UBA6: variants seen among roughly 807,000 people sequenced by gnomAD.
The protein encoded by UBA6 is ubiquitin-like modifier-activating enzyme 6.
Under a neutral mutation model 148.3 loss-of-function variants are expected in UBA6, and 87 were observed. The observed-to-expected ratio is 0.59, with a 90% CI of 0.49 to 0.70. The LOEUF (loss-of-function observed/expected upper bound fraction) is 0.70. Ranked by LOEUF, UBA6 falls within the 30% of genes least tolerant of loss-of-function variation. UBA6 has a pLI of 0.00. For synonymous variants in UBA6, 376 were observed against 401.0 expected (o/e 0.94, Z 0.75); for missense variants, 1,186 against 1,241.2 (o/e 0.96, Z 0.67).
chr4:67,662,304 A>G (rs1167825263), intron 12 of UBA6, 49 bp from the exon 13 acceptor site: 2 of 1,527,382 alleles, frequency 1.3e-6, no homozygotes, highest in Non-Finnish European at 1.8e-6. Context: ...CAACTGCCAT[A>G]AACAGTAGGA....
At chr4:67,652,134 A>G (rs949485374) in intron 13 of UBA6, among the ~76,000 whole-genome samples, 1 of 152,154 alleles carries the variant, frequency 6.6e-6, no homozygotes, top group African/African-American at 2.4e-5. Flanking sequence ...ACAAACCACA[A>G]AAAGTATTCT....
At position 67,617,219 on chromosome 4, in the gene UBA6, C is replaced by T. The variant is rs1728647935; in HGVS notation, c.*1778G>A. On this transcript the variant is annotated 3_prime_UTR_variant, in exon 33 of 33. Coordinates refer to ENST00000322244, the MANE Select transcript of UBA6 (RefSeq NM_018227.6). ...TCATATTTATGGACTGCTGAATTAA[C>T]TACCCGAAAAGTATCAGTTACTTTC... 1 of 152,094 alleles carries T rather than the reference C, an allele frequency of 6.6e-6. No individual in the cohort carries two copies. The highest frequency in any genetic ancestry group is 6.5e-5 in the Admixed American group (1 of 15,276). 9.4% of individuals were successfully genotyped at this position (152,094 alleles called of 1,614,324 possible). A position where few individuals can be genotyped will look rare whatever the true frequency, so the allele number is the denominator to read the frequency against.
At chr4:67,673,249 C>A (rs1037361039) in intron 7 of UBA6, among the ~76,000 whole-genome samples, 3 of 151,838 alleles carry the variant, frequency 2.0e-5, no homozygotes, top group African/African-American at 7.3e-5. Flanking sequence ...CCCGTCTCTA[C>A]TAAAAATACA....
chr4:67,638,894 A>G, intron 19 of UBA6, 49 bp downstream of exon 19: 4 of 1,371,730 alleles, frequency 2.9e-6, no homozygotes, highest in Non-Finnish European at 4.0e-6. Context: ...GGGAAACAGA[A>G]GTGAAAACTA....
chr4:67,632,499 A>T (rs974590897), intron 23 of UBA6, among the ~76,000 whole-genome samples: 12 of 152,002 alleles, frequency 7.9e-5, no homozygotes, highest in Non-Finnish European at 1.5e-4. Flanking sequence ...AAAAAAGTTT[A>T]AAAAAAATGC....
intron 2 of UBA6, among the ~76,000 whole-genome samples, chr4:67,688,804 T>C (rs1032517733): frequency 3.9e-5 from 6 of 152,100 alleles, no homozygotes; most frequent in Admixed American, 3.9e-4. Flanking sequence ...TTTTGAAAGG[T>C]TTCGTTTTAT....
intron 17 of UBA6, among the ~76,000 whole-genome samples, chr4:67,643,560 G>A (rs1406799357): frequency 6.6e-6 from 1 of 151,934 alleles, no homozygotes; most frequent in Non-Finnish European, 1.5e-5. Flanking sequence ...AGTGACTTCT[G>A]TTTTTACTTA....
At chr4:67,635,384 A>C in intron 20 of UBA6, 69 bp downstream of exon 20, 1 of 973,660 alleles carries the variant, frequency 1.0e-6, no homozygotes, top group South Asian at 1.4e-5. Flanking sequence ...AGCTAAATCA[A>C]ATTGTTGATT....
chr4:67,639,486 A>G (rs900359724), intron 18 of UBA6, among the ~76,000 whole-genome samples: 2 of 152,214 alleles, frequency 1.3e-5, no homozygotes, highest in South Asian at 2.1e-4. Flanking sequence ...GAACACATTC[A>G]GTAAAACATT....
intron 2 of UBA6, among the ~76,000 whole-genome samples, chr4:67,691,292 A>AG (rs1406955718): frequency 7.9e-6 from 1 of 127,140 alleles, no homozygotes; most frequent in Non-Finnish European, 1.8e-5. Flanking sequence ...ATTTATCAAA[A>AG]CTATGCGTAC....
chr4:67,668,592 T>C lies in UBA6; in HGVS notation c.752A>G (p.Asn251Ser), dbSNP rs775682990. The change falls in exon 9 of 33, where the codon AAT (asparagine) becomes AGT (serine). Residue 251 changes from asparagine (N) to serine (S), a missense_variant. Physicochemically the swap from Asn to Ser is conservative, Grantham distance 46. Transcript: ENST00000322244. ...TGQFLTFREI[N>S]GMTGLNGSIQ... The stretch of plus-strand genomic sequence containing the variant: ...AGATCCATTTAAACCTGTCATTCCA[T>C]TAATTTCTCGAAATGTTAGGAATTG... 37 of 1,612,734 alleles carry C rather than the reference T, an allele frequency of 2.3e-5. No individual in the cohort carries two copies. The highest frequency in any genetic ancestry group is 3.1e-5 in the Non-Finnish European group (37 of 1,178,942).
At chr4:67,649,038 A>G in intron 14 of UBA6, 30 bp downstream of exon 14, 2 of 1,599,338 alleles carry the variant, frequency 1.3e-6, no homozygotes, top group Non-Finnish European at 1.7e-6. Context: ...TCACGAGTAA[A>G]GAATTCAACT....
At chr4:67,650,361 C>A (rs975032374) in intron 13 of UBA6, among the ~76,000 whole-genome samples, 4 of 151,948 alleles carry the variant, frequency 2.6e-5, no homozygotes, top group African/African-American at 9.7e-5. Context: ...GGATCTGGAC[C>A]GAAAAAGTCC....
chr4:67,629,816 T>A (rs1728954568), intron 26 of UBA6, among the ~76,000 whole-genome samples: 1 of 152,064 alleles, frequency 6.6e-6, no homozygotes, highest in Non-Finnish European at 1.5e-5. Flanking sequence ...AAAACAGATA[T>A]TGTTATCTGA....
chr4:67,692,906 G>A (rs1015000756), intron 2 of UBA6, among the ~76,000 whole-genome samples: 2 of 152,222 alleles, frequency 1.3e-5, no homozygotes, highest in African/African-American at 4.8e-5. Context: ...CAATCTGGCA[G>A]AAGGGTTCCG....
intron 32 of UBA6, among the ~76,000 whole-genome samples, chr4:67,621,821 T>A (rs1166332907): frequency 6.6e-6 from 1 of 151,614 alleles, no homozygotes; most frequent in Non-Finnish European, 1.5e-5. Context: ...AAACAAACAA[T>A]AAATATAAGC....
At chr4:67,639,213 G>T in intron 18 of UBA6, 89 bp from the exon 19 acceptor site, 2 of 1,048,672 alleles carry the variant, frequency 1.9e-6, no homozygotes, top group Admixed American at 2.7e-5. Flanking sequence ...ATAAGAATGT[G>T]TAAGTTCAGT....
intron 13 of UBA6, 78 bp downstream of exon 13, chr4:67,662,111 G>C (rs556976600): frequency 6.5e-5 from 90 of 1,382,392 alleles, no homozygotes; most frequent in Non-Finnish European, 7.8e-5. Flanking sequence ...GGATGTGAAG[G>C]ATAAGAGAAT....
At chr4:67,671,248 C>T (rs2170872) in intron 7 of UBA6, among the ~76,000 whole-genome samples, 86,489 of 152,018 alleles carry the variant, frequency 0.57, 25,261 homozygotes, top group Middle Eastern at 0.68. Context: ...GAGAAATCCT[C>T]ATTCTGTAAT....
Sources: gnomAD v4.1 joint callset for allele counts (sites outside exome capture counted in the v4.1 genomes callset) on GRCh38, gnomAD v4.1.1 for gene constraint, MANE v1.5 for transcripts, NCBI Gene and HGNC (gene_info 2026-07-23, HGNC 2026-07-21) for gene names.